The following NCBP1 variants were observed in gnomAD, a reference collection of about 807,000 sequenced individuals.
NCBP1 encodes the protein nuclear cap-binding protein subunit 1.
A neutral mutation model predicts 111.7 loss-of-function variants in NCBP1; 16 were observed. The observed-to-expected ratio is 0.14, with a 90% confidence interval of 0.10 to 0.22. The LOEUF is 0.22. Among genes scored for constraint, NCBP1 ranks in the 10% least tolerant of loss-of-function variants. The pLI is 1.00. For missense variants in NCBP1, 607 were observed against 957.5 expected (o/e 0.63, Z 4.83); for synonymous variants, 304 against 314.3 (o/e 0.97, Z 0.35).
chr9:97,660,083 A>C (rs563819645), intron 15 of NCBP1, among the ~76,000 whole-genome samples: 1 of 152,304 alleles, frequency 6.6e-6, no homozygotes, highest in South Asian at 2.1e-4. Flanking sequence ...GGCTGTGTCT[A>C]ATGTGAATAT....
At chr9:97,666,639 C>T (rs956062792) in intron 19 of NCBP1, 124 bp from the exon 20 acceptor site, 8 of 583,052 alleles carry the variant, frequency 1.4e-5, no homozygotes, top group Non-Finnish European at 2.3e-5. Context: ...AGAAAGATGA[C>T]TAATTCAGCC....
At chr9:97,657,157 G>A (rs527713814) in intron 14 of NCBP1, among the ~76,000 whole-genome samples, 1 of 152,164 alleles carries the variant, frequency 6.6e-6, no homozygotes, top group African/African-American at 2.4e-5. Flanking sequence ...TAGTAGAGAC[G>A]GGGTTTCACT....
In NCBP1 at chr9:97,658,141, T is replaced by C. The variant is rs115518285; in HGVS notation, c.1374-499T>C. ...TATGCTCATTGCCATTGGGGTGTCATTGGTTCTAAGCCTCTTGGTGGACAC... is the reference window on the plus strand; with the variant it reads ...TATGCTCATTGCCATTGGGGTGTCACTGGTTCTAAGCCTCTTGGTGGACAC... On this transcript the variant is annotated intron_variant, in intron 14 of 22. Coordinates refer to ENST00000375147, the MANE Select transcript of NCBP1 (RefSeq NM_002486.5). 7.5e-3 allele frequency among the ~76,000 whole-genome samples: 1,146 copies of C among 151,834 alleles called. 10 individuals are homozygous for C. The highest frequency in any genetic ancestry group is 0.025 in the African/African-American group (1,050 of 41,202).
At chr9:97,653,717 A>G in intron 10 of NCBP1, 81 bp from the exon 11 acceptor site, 1 of 995,188 alleles carries the variant, frequency 1.0e-6, no homozygotes, top group South Asian at 1.6e-5. Flanking sequence ...GTTAGAGCTC[A>G]GATTTAGAAT....
chr9:97,637,563 G>A (rs1466497100), intron 1 of NCBP1, among the ~76,000 whole-genome samples: 4 of 152,158 alleles, frequency 2.6e-5, no homozygotes, highest in Non-Finnish European at 5.9e-5. Flanking sequence ...CTTAACTAAA[G>A]AAAAAAATAG....
chr9:97,656,134 T>C, intron 14 of NCBP1, 49 bp downstream of exon 14: 1 of 1,421,684 alleles, frequency 7.0e-7, no homozygotes. Context: ...AGGATTTCTT[T>C]CTCTTCTCTG....
In NCBP1 at chr9:97,672,006, T is replaced by G. The variant is rs1383458693; in HGVS notation, c.*807T>G. The G allele has an allele frequency of 6.6e-6, 1 of 152,186 alleles. No homozygotes were observed. Among genetic ancestry groups the G allele is most frequent in the Non-Finnish European group, 1.5e-5 (1 of 68,034 alleles). 9.4% of individuals were successfully genotyped at this position (152,186 alleles called of 1,614,324 possible). A position where few individuals can be genotyped will look rare whatever the true frequency, so the allele number is the denominator to read the frequency against. On this transcript the variant is annotated 3_prime_UTR_variant, in exon 23 of 23. Coordinates refer to ENST00000375147, the MANE Select transcript of NCBP1 (RefSeq NM_002486.5). ...GGTCTTGTAGTGAGTTACAGAATAC[T>G]AAAGTGGATGTAGAAGTGGTCAGAT...
At chr9:97,649,907 G>C (rs537793549) in intron 8 of NCBP1, among the ~76,000 whole-genome samples, 1 of 151,836 alleles carries the variant, frequency 6.6e-6, no homozygotes, top group Non-Finnish European at 1.5e-5. Flanking sequence ...TTTTGTTTCT[G>C]TTCTGGCCTT....
In NCBP1 at chr9:97,653,815, G is replaced by A. The variant is rs760675261; in HGVS notation, c.1077G>A (p.Leu359=). ...TTTTGTAGGTGATCTTTGCAGAGCT[G>A]TTTCAACTTCCAGCACCCCCTCACA... The part of the protein sequence containing the change: ...YHIVEVIFAE[L]FQLPAPPHID... Residue 359 remains leucine, a synonymous_variant, in exon 11 of 23, where the codon CTG becomes CTA. Coordinates refer to ENST00000375147, the MANE Select transcript of NCBP1 (RefSeq NM_002486.5). The A allele has an allele frequency of 5.0e-6, 8 of 1,613,826 alleles. No homozygotes were observed. The highest frequency in any genetic ancestry group is 6.8e-6 in the Non-Finnish European group (8 of 1,179,924).
At position 97,645,685 on chromosome 9, in the gene NCBP1, A is replaced by G; in HGVS notation, c.564A>G (p.Lys188=). ...PWVGKELYEK[K]DAEMDRIFAN... The stretch of plus-strand genomic sequence containing the variant: ...TTGGAAAGGAGTTGTACGAAAAGAA[A>G]GATGCAGAGATGGACCGCATCTTTG... Residue 188 remains lysine (K), a synonymous_variant, in exon 6 of 23, where the codon AAA becomes AAG. Transcript: ENST00000375147. 6.2e-7 allele frequency: 1 copy of G among 1,614,090 alleles called. No homozygotes were observed. The highest frequency in any genetic ancestry group is 1.1e-5 in the South Asian group (1 of 91,080).
chr9:97,668,811 AT>A, intron 20 of NCBP1, 34 bp from the exon 21 acceptor site: 1 of 1,601,790 alleles, frequency 6.2e-7, no homozygotes, highest in East Asian at 2.2e-5. Context: ...TGGAATCTAA[AT>A]GGTATTTTCC....
At chr9:97,650,712 C>T (rs1827474977) in intron 9 of NCBP1, 112 bp downstream of exon 9, 1 of 788,474 alleles carries the variant, frequency 1.3e-6, no homozygotes, top group African/African-American at 1.7e-5. Context: ...TCCTGACTCC[C>T]TGTCTTGCTA....
chr9:97,657,473 G>C (rs374562585), intron 14 of NCBP1, among the ~76,000 whole-genome samples: 1 of 152,084 alleles, frequency 6.6e-6, no homozygotes, highest in African/African-American at 2.4e-5. Flanking sequence ...ACTTCTAGAG[G>C]CACATGATTC....
chr9:97,660,726 G>A (rs1435460762), intron 15 of NCBP1, among the ~76,000 whole-genome samples: 1 of 152,156 alleles, frequency 6.6e-6, no homozygotes. Flanking sequence ...ATGAATTGTT[G>A]AAATGAGAAT....
intron 15 of NCBP1, among the ~76,000 whole-genome samples, chr9:97,659,405 T>C (rs57598118): frequency 0.12 from 17,977 of 152,196 alleles, 3,016 homozygotes; most frequent in African/African-American, 0.37. Context: ...CTGCTGTTCT[T>C]TGCTTTTCAT....
chr9:97,657,926 A>ATTT lies in NCBP1; in HGVS notation c.1374-699_1374-697dup, dbSNP rs57402675. Among the ~76,000 whole-genome samples, 20 of 91,400 alleles carry ATTT rather than the reference A, an allele frequency of 2.2e-4. 1 individual carries two copies. Among genetic ancestry groups the ATTT allele is most frequent in the East Asian group, 9.1e-4 (3 of 3,294 alleles). The allele number at this position is 91,400 out of a possible 152,430, so 60.0% of individuals were successfully genotyped here. On this transcript the variant is annotated intron_variant, in intron 14 of 22. Transcript: ENST00000375147. ...TCTCTCTATATATATATATATATAT[A>ATTT]TTTTTTTTTTTTTTTTTAACGTCCC...
intron 1 of NCBP1, among the ~76,000 whole-genome samples, chr9:97,638,375 A>G (rs141478239): frequency 6.6e-6 from 1 of 152,208 alleles, no homozygotes. Flanking sequence ...TTTCTCAGAA[A>G]TCATACCTTC....
intron 1 of NCBP1, among the ~76,000 whole-genome samples, chr9:97,638,836 A>C (rs187465196): frequency 1.7e-4 from 26 of 152,298 alleles, no homozygotes; most frequent in Admixed American, 1.1e-3. Flanking sequence ...AATGTCTCCA[A>C]GGTTTGCCAG....
At chr9:97,664,978 T>C (rs1827950047) in intron 19 of NCBP1, among the ~76,000 whole-genome samples, 1 of 152,204 alleles carries the variant, frequency 6.6e-6, no homozygotes, top group South Asian at 2.1e-4. Flanking sequence ...TCATTCCCCC[T>C]AACGGAAAGA....
Sources: gnomAD v4.1 joint callset for allele counts (sites outside exome capture counted in the v4.1 genomes callset) on GRCh38, gnomAD v4.1.1 for gene constraint, MANE v1.5 for transcripts, NCBI Gene and HGNC (gene_info 2026-07-23, HGNC 2026-07-21) for gene names.